The following CSN1S1 variants were observed in gnomAD, a reference collection of about 807,000 sequenced individuals.
The protein encoded by CSN1S1 is casein alpha s1.
Under a neutral mutation model 49.1 loss-of-function variants are expected in CSN1S1, and 63 were observed. That is an observed-to-expected ratio of 1.28 (90% CI 1.05 to 1.58). CSN1S1 has a LOEUF of 1.58. CSN1S1 is among the 40% of genes most tolerant of loss of function. The pLI is 0.00. For missense variants in CSN1S1, 260 were observed against 224.7 expected (o/e 1.16, Z -1.01); for synonymous variants, 78 against 67.1 (o/e 1.16, Z -0.79).
At chr4:69,932,093 A>G (rs1722626048) in intron 1 of CSN1S1, among the ~76,000 whole-genome samples, 1 of 151,954 alleles carries the variant, frequency 6.6e-6, no homozygotes, top group African/African-American at 2.4e-5. Context: ...AGAGAAGCTC[A>G]TTTTCAAAAC....
At chr4:69,936,001 G>A in intron 5 of CSN1S1, 52 bp downstream of exon 5, 6 of 1,388,676 alleles carry the variant, frequency 4.3e-6, no homozygotes, top group Non-Finnish European at 6.0e-6. Context: ...AGAAGTAAGT[G>A]TTAAGATCAG....
chr4:69,935,744 T>A (rs919996293), intron 4 of CSN1S1, among the ~76,000 whole-genome samples, 182 bp from the exon 5 acceptor site: 1 of 152,086 alleles, frequency 6.6e-6, no homozygotes, highest in African/African-American at 2.4e-5. Context: ...GTTTACAATT[T>A]CCTCACTCCT....
rs372631113 is a variant in CSN1S1, at chr4:69,937,806, G to C, written c.226G>C (p.Val76Leu). 3.7e-5 allele frequency: 59 copies of C among 1,596,328 alleles called. No individual in the cohort carries two copies. Among genetic ancestry groups the C allele is most frequent in the Non-Finnish European group, 4.9e-5 (57 of 1,173,384 alleles). The change falls in exon 9 of 16, where the codon GTT (valine) becomes CTT (leucine). Residue 76 changes from valine (V) to leucine (L), a missense_variant. Physicochemically the swap from Val to Leu is conservative, Grantham distance 32 (BLOSUM62 1). Transcript: ENST00000246891. ...DTRNESTQNC[V>L]VAEPEKMESS... ...TTATTTTTTCTTTCTTAAGAACTGT[G>C]TTGTGGCAGAGCCTGAGGTAAGACC...
chr4:69,936,453 A>G lies in CSN1S1; in HGVS notation c.130-3A>G, dbSNP rs1722786884. 6.5e-7 allele frequency: 1 copy of G among 1,548,046 alleles called. No individual in the cohort carries two copies. Among genetic ancestry groups the G allele is most frequent in the Non-Finnish European group, 8.9e-7 (1 of 1,123,324 alleles). Reference sequence around the variant, plus strand: ...TGTTTATGTTTTCTTTTTTATCCCTAAGGAATACATGAATGGTATGAACAG... The same window carrying G: ...TGTTTATGTTTTCTTTTTTATCCCTGAGGAATACATGAATGGTATGAACAG... On this transcript the variant is annotated splice_region_variant and splice_polypyrimidine_tract_variant and intron_variant, in intron 5 of 15. Coordinates refer to ENST00000246891, the MANE Select transcript of CSN1S1 (RefSeq NM_001890.2).
At chr4:69,943,852 CATTA>C (rs934886366) in intron 14 of CSN1S1, among the ~76,000 whole-genome samples, 4 of 152,002 alleles carry the variant, frequency 2.6e-5, no homozygotes, top group Admixed American at 6.6e-5. Context: ...ATGATAATAG[CATTA>C]ATTAATTTGT....
At chr4:69,935,685 G>C (rs765965796) in intron 4 of CSN1S1, among the ~76,000 whole-genome samples, 7 of 151,924 alleles carry the variant, frequency 4.6e-5, no homozygotes, top group Non-Finnish European at 8.8e-5. Flanking sequence ...GTACCTAAAC[G>C]TTTGCCTCTC....
chr4:69,934,126 A>T, intron 2 of CSN1S1, 86 bp from the exon 3 acceptor site: 4 of 1,031,226 alleles, frequency 3.9e-6, no homozygotes, highest in Non-Finnish European at 5.7e-6. Flanking sequence ...CAGTGTCAAA[A>T]ATCATCGTAT....
chr4:69,933,735 G>A (rs921689189), intron 2 of CSN1S1, among the ~76,000 whole-genome samples: 13 of 151,868 alleles, frequency 8.6e-5, no homozygotes, highest in African/African-American at 2.9e-4. Context: ...TCAAAATGCA[G>A]AATGAGATCA....
rs1350427377 is a variant in CSN1S1, at chr4:69,937,827, A to G, written c.243+4A>G. ...CTGTGTTGTGGCAGAGCCTGAGGTA[A>G]GACCCATTCATTCTAGTGAACTCTA... On this transcript the variant is annotated splice_donor_region_variant and intron_variant, in intron 9 of 15. Coordinates refer to ENST00000246891, the MANE Select transcript of CSN1S1 (RefSeq NM_001890.2). 2 of 1,590,492 alleles carry G rather than the reference A, an allele frequency of 1.3e-6. No individual in the cohort carries two copies. The highest frequency in any genetic ancestry group is 2.3e-5 in the East Asian group (1 of 44,112).
chr4:69,938,517 T>C (rs998681940), intron 9 of CSN1S1, among the ~76,000 whole-genome samples: 11 of 151,646 alleles, frequency 7.3e-5, no homozygotes, highest in Admixed American at 5.9e-4. Flanking sequence ...CTACCTACTC[T>C]ACAATTATAT....
intron 4 of CSN1S1, among the ~76,000 whole-genome samples, 180 bp downstream of exon 4, chr4:69,934,890 T>C (rs1722722218): frequency 6.6e-6 from 1 of 152,156 alleles, no homozygotes; most frequent in Non-Finnish European, 1.5e-5. Context: ...ATTTGACTTC[T>C]TAGCCATTTT....
intron 15 of CSN1S1, among the ~76,000 whole-genome samples, chr4:69,945,448 G>A (rs975833669): frequency 6.6e-6 from 1 of 151,706 alleles, no homozygotes; most frequent in African/African-American, 2.4e-5. Context: ...TAACCTTTTT[G>A]CTTACTTGAA....
At chr4:69,934,071 T>C (rs906568105) in intron 2 of CSN1S1, 141 bp from the exon 3 acceptor site, 5 of 475,796 alleles carry the variant, frequency 1.1e-5, no homozygotes, top group Non-Finnish European at 1.9e-5. Context: ...AGAAACTTGG[T>C]CTCTGACAAA....
chr4:69,934,802 A>G, intron 4 of CSN1S1, 92 bp downstream of exon 4: 1 of 1,158,812 alleles, frequency 8.6e-7, no homozygotes, highest in Non-Finnish European at 1.3e-6. Context: ...CTTCTTTACA[A>G]TTTTTATTTC....
rs369474321 is a variant in CSN1S1 at position 69,942,097 on chromosome 4, T to C, written c.360+34T>C. The C allele has an allele frequency of 6.5e-5, 86 of 1,318,594 alleles. No homozygotes were observed. The Middle Eastern group carries it at 9.8e-4, about 15-fold the overall frequency. The allele number at this position is 1,318,594 out of a possible 1,614,324, so 81.7% of individuals were successfully genotyped here. A position where few individuals can be genotyped will look rare whatever the true frequency, so the allele number is the denominator to read the frequency against. On this transcript the variant is annotated intron_variant, in intron 13 of 15. Coordinates refer to ENST00000246891, the MANE Select transcript of CSN1S1 (RefSeq NM_001890.2). ...ATTTATTAAATCTAAAATATTTTAG[T>C]ATTTCCTTCATGTGTTATGTTTTTA...
chr4:69,943,081 G>A (rs1723026856), intron 14 of CSN1S1, among the ~76,000 whole-genome samples: 1 of 150,078 alleles, frequency 6.7e-6, no homozygotes. Context: ...CACTGTCACT[G>A]GCTAAAGTAA....
At chr4:69,937,916 T>C (rs1722844246) in intron 9 of CSN1S1, 93 bp downstream of exon 9, 1 of 766,924 alleles carries the variant, frequency 1.3e-6, no homozygotes, top group African/African-American at 1.8e-5. Flanking sequence ...CTTCTGAAAT[T>C]AAGCAAAATA....
chr4:69,937,522 A>G (rs1301580061), intron 8 of CSN1S1, among the ~76,000 whole-genome samples: 1 of 151,414 alleles, frequency 6.6e-6, no homozygotes, highest in Non-Finnish European at 1.5e-5. Flanking sequence ...AAGTTTTAAA[A>G]GAGGGAAAGC....
At chr4:69,943,375 G>C (rs76929738) in intron 14 of CSN1S1, among the ~76,000 whole-genome samples, 1 of 151,788 alleles carries the variant, frequency 6.6e-6, no homozygotes, top group Non-Finnish European at 1.5e-5. Flanking sequence ...AGTAGAGACA[G>C]GTTTTCACCA....
Sources: allele counts gnomAD v4.1 joint callset (sites outside exome capture counted in the v4.1 genomes callset), GRCh38; gene constraint gnomAD v4.1.1; transcripts MANE v1.5; gene names NCBI Gene and HGNC (gene_info 2026-07-23, HGNC 2026-07-21).